Variants in CNTN6 observed in about 807,000 individuals in gnomAD.
The protein encoded by CNTN6 is contactin 6.
CNTN6 carries 137 observed loss-of-function variants against 122.8 expected under a neutral mutation model. The observed-to-expected ratio is 1.12, with a 90% confidence interval of 0.97 to 1.29. CNTN6 has a LOEUF of 1.29. Among genes scored for constraint, CNTN6 ranks in the 50% most tolerant of loss-of-function variants. The probability of loss-of-function intolerance (pLI) is 0.00; values close to 1 mark genes in which losing one functional copy is unlikely to be tolerated. For missense variants in CNTN6, 1,634 were observed against 1,223.4 expected (o/e 1.34, Z -5.01); for synonymous variants, 570 against 426.0 (o/e 1.34, Z -4.16).
chr3:1,334,864 C>T (rs1235971999), intron 11 of CNTN6, among the ~76,000 whole-genome samples: 4 of 152,044 alleles, frequency 2.6e-5, no homozygotes, highest in African/African-American at 9.7e-5. Context: ...AGAGATTTTG[C>T]AGCTAAGCCA....
intron 7 of CNTN6, among the ~76,000 whole-genome samples, chr3:1,318,176 A>T (rs1347431192): frequency 6.6e-6 from 1 of 151,316 alleles, no homozygotes; most frequent in Non-Finnish European, 1.5e-5. Flanking sequence ...TCTTAGTGAG[A>T]TTTTCTTGTC....
At chr3:1,183,523 C>A (rs927488812) in intron 2 of CNTN6, among the ~76,000 whole-genome samples, 21 of 151,780 alleles carry the variant, frequency 1.4e-4, no homozygotes, top group African/African-American at 3.9e-4. Flanking sequence ...CAATACACAA[C>A]TAGATTTCAT....
chr3:1,383,257 C>T (rs371350071), intron 18 of CNTN6, 36 bp from the exon 19 acceptor site: 112 of 1,595,530 alleles, frequency 7.0e-5, no homozygotes, highest in Middle Eastern at 6.7e-4. Flanking sequence ...ATGAACCACT[C>T]TGCTAAAGAT....
chr3:1,295,178 T>G (rs771527170), intron 5 of CNTN6, among the ~76,000 whole-genome samples: 5 of 152,336 alleles, frequency 3.3e-5, no homozygotes, highest in Non-Finnish European at 5.9e-5. Context: ...TAAGTTAAAT[T>G]TTTAACAAGT....
At chr3:1,313,032 A>AGT (rs10662134) in intron 7 of CNTN6, among the ~76,000 whole-genome samples, 50,163 of 151,800 alleles carry the variant, frequency 0.33, 14,486 homozygotes, top group African/African-American at 0.79. Context: ...ATGCCATTTC[A>AGT]GTCTCTTTAC....
At chr3:1,390,588 CAAAA>C (rs1165534365) in intron 20 of CNTN6, among the ~76,000 whole-genome samples, 1 of 152,000 alleles carries the variant, frequency 6.6e-6, no homozygotes, top group Non-Finnish European at 1.5e-5. Context: ...AATAGAGACA[CAAAA>C]AACCCTTAAA....
intron 16 of CNTN6, among the ~76,000 whole-genome samples, chr3:1,375,217 T>A (rs542399769): frequency 4.6e-5 from 7 of 152,186 alleles, no homozygotes; most frequent in African/African-American, 1.7e-4. Flanking sequence ...AGGTTGTTTG[T>A]TTACAGTTGA....
chr3:1,249,208 TAAAGAAATCTTA>T (rs2094624507), intron 4 of CNTN6, among the ~76,000 whole-genome samples: 1 of 151,442 alleles, frequency 6.6e-6, no homozygotes, highest in Non-Finnish European at 1.5e-5. Context: ...TATTATGATG[TAAAGAAATCTTA>T]GGGAAAAACA....
At chr3:1,331,761 G>T (rs1702322606) in intron 11 of CNTN6, among the ~76,000 whole-genome samples, 3 of 151,454 alleles carry the variant, frequency 2.0e-5, no homozygotes, top group African/African-American at 7.3e-5. Flanking sequence ...AGCTTTAAAG[G>T]TCCAAACACG....
At chr3:1,271,440 T>C (rs747795831) in intron 4 of CNTN6, among the ~76,000 whole-genome samples, 4 of 152,118 alleles carry the variant, frequency 2.6e-5, no homozygotes, top group Admixed American at 6.5e-5. Flanking sequence ...CATTCTAAGG[T>C]GTTCGAGCTG....
intron 4 of CNTN6, among the ~76,000 whole-genome samples, chr3:1,256,211 A>C (rs1360433376): frequency 6.6e-6 from 1 of 152,172 alleles, no homozygotes; most frequent in Non-Finnish European, 1.5e-5. Flanking sequence ...CTTTATCTGT[A>C]TTAAAATATC....
intron 10 of CNTN6, among the ~76,000 whole-genome samples, chr3:1,329,218 T>C (rs886884691): frequency 3.3e-5 from 5 of 150,582 alleles, no homozygotes; most frequent in African/African-American, 1.2e-4. Flanking sequence ...TACATGTATA[T>C]ATATGGATAC....
intron 1 of CNTN6, among the ~76,000 whole-genome samples, chr3:1,107,549 T>C (rs2091282953): frequency 6.6e-6 from 1 of 152,088 alleles, no homozygotes; most frequent in South Asian, 2.1e-4. Context: ...GTGTCATTAA[T>C]CATATTTTAG....
intron 10 of CNTN6, among the ~76,000 whole-genome samples, chr3:1,328,642 G>T (rs1701858591): frequency 6.6e-6 from 1 of 151,734 alleles, no homozygotes; most frequent in Non-Finnish European, 1.5e-5. Flanking sequence ...ATGACAAGTT[G>T]AACATAACCT....
intron 20 of CNTN6, among the ~76,000 whole-genome samples, chr3:1,388,373 A>G (rs1180358054): frequency 2.7e-5 from 4 of 149,224 alleles, no homozygotes; most frequent in Admixed American, 6.7e-5. Context: ...AAGGAAAACT[A>G]ACAAACAGAA....
chr3:1,372,015 C>A (rs1317616521), intron 12 of CNTN6, among the ~76,000 whole-genome samples: 5 of 152,126 alleles, frequency 3.3e-5, no homozygotes, highest in Non-Finnish European at 7.4e-5. Flanking sequence ...CAATGCAGTG[C>A]ATCCTGTATA....
intron 20 of CNTN6, 71 bp from the exon 21 acceptor site, chr3:1,401,362 C>T: frequency 1.4e-5 from 17 of 1,198,512 alleles, no homozygotes; most frequent in Middle Eastern, 1.9e-4. Context: ...TTTTTCTTTT[C>T]ATGTTGATGC....
In CNTN6 at chr3:1,327,447, C is replaced by T. The variant is rs1215128262; in HGVS notation, c.1084-10C>T. On this transcript the variant is annotated splice_polypyrimidine_tract_variant and intron_variant, in intron 9 of 22. Coordinates refer to ENST00000446702, the MANE Select transcript of CNTN6 (RefSeq NM_001289080.2). ...GTACAAGCATCTTTATATGCCTTTTCCTTTATTAGGAGAGAATTCAAATAG... is the reference window on the plus strand; with the variant it reads ...GTACAAGCATCTTTATATGCCTTTTTCTTTATTAGGAGAGAATTCAAATAG... The T allele has an allele frequency of 6.2e-7, 1 of 1,608,494 alleles. No homozygotes were observed. The highest frequency in any genetic ancestry group is 1.3e-5 in the African/African-American group (1 of 74,668).
chr3:1,172,613 T>A (rs1320140822), intron 2 of CNTN6, among the ~76,000 whole-genome samples: 3 of 99,776 alleles, frequency 3.0e-5, no homozygotes, highest in African/African-American at 1.0e-4. Flanking sequence ...CAGTCTGCAA[T>A]AACTCTCTGT....
Sources: allele counts gnomAD v4.1 joint callset (sites outside exome capture counted in the v4.1 genomes callset), GRCh38; gene constraint gnomAD v4.1.1; transcripts MANE v1.5; gene names NCBI Gene and HGNC (gene_info 2026-07-23, HGNC 2026-07-21).